The following PTPRD variants were observed in gnomAD, a reference collection of about 807,000 sequenced individuals.
The protein encoded by PTPRD is protein tyrosine phosphatase receptor type D.
Under a neutral mutation model 214.5 loss-of-function variants are expected in PTPRD, and 34 were observed. That is an observed-to-expected ratio of 0.16 (90% CI 0.12 to 0.21). The LOEUF (loss-of-function observed/expected upper bound fraction) is 0.21. PTPRD is among the 10% of genes least tolerant of loss of function. The pLI, the probability that PTPRD is intolerant of heterozygous loss-of-function variation, is 1.00. For missense variants in PTPRD, 2,545 were observed against 2,398.7 expected (o/e 1.06, Z -1.27); for synonymous variants, 1,128 against 845.7 (o/e 1.33, Z -5.79).
At chr9:9,955,347 T>C (rs528820421) in intron 4 of PTPRD, among the ~76,000 whole-genome samples, 1 of 152,180 alleles carries the variant, frequency 6.6e-6, no homozygotes, top group Non-Finnish European at 1.5e-5. Flanking sequence ...GTATTTAAGC[T>C]ATATTCTTAA....
At chr9:9,736,960 AC>A (rs1564869875) in intron 6 of PTPRD, among the ~76,000 whole-genome samples, 1 of 151,954 alleles carries the variant, frequency 6.6e-6, no homozygotes, top group Non-Finnish European at 1.5e-5. Context: ...AATCATCTTT[AC>A]TTATGTGTCC....
intron 8 of PTPRD, among the ~76,000 whole-genome samples, chr9:9,573,455 G>T (rs73641320): frequency 0.01 from 1,545 of 151,066 alleles, 24 homozygotes; most frequent in African/African-American, 0.036. Flanking sequence ...TTATATGGGT[G>T]TAATTCATTT....
At chr9:9,364,819 G>A (rs1026842438) in intron 9 of PTPRD, among the ~76,000 whole-genome samples, 1 of 151,372 alleles carries the variant, frequency 6.6e-6, no homozygotes, top group Non-Finnish European at 1.5e-5. Flanking sequence ...CTTCATTTCG[G>A]AAGGTTCAGT....
At chr9:9,069,108 G>T (rs1335428075) in intron 10 of PTPRD, among the ~76,000 whole-genome samples, 1 of 152,142 alleles carries the variant, frequency 6.6e-6, no homozygotes, top group Non-Finnish European at 1.5e-5. Context: ...AAACCTGACG[G>T]AAGTTCTAAA....
chr9:9,103,429 T>C (rs1383662133), intron 10 of PTPRD, among the ~76,000 whole-genome samples: 2 of 152,086 alleles, frequency 1.3e-5, no homozygotes, highest in African/African-American at 4.8e-5. Flanking sequence ...CGTAAGTAAT[T>C]ATGGAGTAAA....
intron 40 of PTPRD, 71 bp from the exon 41 acceptor site, chr9:8,341,339 G>A (rs1258621316): frequency 1.4e-6 from 2 of 1,441,420 alleles, no homozygotes; most frequent in South Asian, 2.8e-5. Flanking sequence ...TGAATGCAGT[G>A]TACCCCAGAT....
intron 43 of PTPRD, among the ~76,000 whole-genome samples, chr9:8,332,924 T>TTAGA (rs1252282928): frequency 6.6e-5 from 10 of 152,308 alleles, no homozygotes; most frequent in Non-Finnish European, 1.5e-4. Context: ...CAAACTTTTT[T>TTAGA]TAGATACACG....
intron 10 of PTPRD, among the ~76,000 whole-genome samples, chr9:9,074,555 A>G (rs2099748265): frequency 6.6e-6 from 1 of 152,074 alleles, no homozygotes; most frequent in African/African-American, 2.4e-5. Flanking sequence ...ATATAGACCA[A>G]GACTATGTAA....
intron 7 of PTPRD, among the ~76,000 whole-genome samples, chr9:9,663,425 A>G (rs1594624473): frequency 6.6e-6 from 1 of 151,530 alleles, no homozygotes; most frequent in South Asian, 2.1e-4. Flanking sequence ...GTATCTTCAT[A>G]AGATGGTTTT....
At chr9:10,277,409 C>T (rs2094774301) in intron 3 of PTPRD, among the ~76,000 whole-genome samples, 1 of 152,132 alleles carries the variant, frequency 6.6e-6, no homozygotes, top group African/African-American at 2.4e-5. Context: ...GATCCAGGGC[C>T]AGCCCTGACT....
At chr9:8,625,614 T>C (rs1377727729) in intron 14 of PTPRD, among the ~76,000 whole-genome samples, 5 of 151,590 alleles carry the variant, frequency 3.3e-5, no homozygotes, top group African/African-American at 1.2e-4. Flanking sequence ...TCATCAGACA[T>C]GTGAGAAAAA....
chr9:9,253,135 A>G (rs2099976161), intron 9 of PTPRD, among the ~76,000 whole-genome samples: 1 of 152,088 alleles, frequency 6.6e-6, no homozygotes, highest in Admixed American at 6.6e-5. Context: ...CCCAGAATTC[A>G]GTCTTCTTAT....
intron 7 of PTPRD, among the ~76,000 whole-genome samples, chr9:9,611,664 T>C (rs1300177896): frequency 6.6e-6 from 1 of 152,098 alleles, no homozygotes; most frequent in Non-Finnish European, 1.5e-5. Context: ...CACGTGTGTA[T>C]CCATTGTACA....
intron 5 of PTPRD, among the ~76,000 whole-genome samples, chr9:9,770,111 G>A (rs148937922): frequency 1.3e-5 from 2 of 151,996 alleles, no homozygotes; most frequent in African/African-American, 4.8e-5. Flanking sequence ...TATAATCCTT[G>A]GAGTATATAT....
intron 10 of PTPRD, among the ~76,000 whole-genome samples, chr9:9,067,443 T>C (rs2099736515): frequency 6.6e-6 from 1 of 152,328 alleles, no homozygotes; most frequent in Non-Finnish European, 1.5e-5. Context: ...GTGTGTGTCA[T>C]AATAGTGTAC....
At chr9:8,675,758 T>C (rs2097398209) in intron 12 of PTPRD, among the ~76,000 whole-genome samples, 2 of 152,054 alleles carry the variant, frequency 1.3e-5, no homozygotes, top group South Asian at 4.1e-4. Flanking sequence ...ACCCCTGCCG[T>C]CCCCACTCTG....
At chr9:8,892,575 ATATG>A (rs1370234715) in intron 11 of PTPRD, among the ~76,000 whole-genome samples, 9 of 150,064 alleles carry the variant, frequency 6.0e-5, no homozygotes, top group African/African-American at 2.2e-4. Context: ...GTGTGTATAT[ATATG>A]TGTGTATATA....
chr9:10,298,329 C>G (rs1195554870), intron 3 of PTPRD, among the ~76,000 whole-genome samples: 1 of 151,960 alleles, frequency 6.6e-6, no homozygotes, highest in East Asian at 1.9e-4. Flanking sequence ...GTAAAAGATC[C>G]ATTACTCAAC....
intron 2 of PTPRD, among the ~76,000 whole-genome samples, chr9:10,508,611 A>G (rs576713114): frequency 6.6e-6 from 1 of 152,344 alleles, no homozygotes; most frequent in South Asian, 2.1e-4. Context: ...GATACTATGC[A>G]GCCATAAAAA....
Sources: allele counts gnomAD v4.1 joint callset (sites outside exome capture counted in the v4.1 genomes callset), GRCh38; gene constraint gnomAD v4.1.1; transcripts MANE v1.5; gene names NCBI Gene and HGNC (gene_info 2026-07-23, HGNC 2026-07-21).